The following PRKG1 variants were observed in gnomAD, a reference collection of about 807,000 sequenced individuals.
PRKG1 encodes the protein cGMP-dependent protein kinase 1.
PRKG1 carries 35 observed loss-of-function variants against 88.1 expected under a neutral mutation model. The ratio of observed to expected loss-of-function variants is 0.40; its 90% CI spans 0.30 to 0.53. The LOEUF (loss-of-function observed/expected upper bound fraction) is 0.53, where lower values mean the gene tolerates loss of function less well. Among genes scored for constraint, PRKG1 ranks in the 20% least tolerant of loss-of-function variants. The probability of loss-of-function intolerance (pLI) is 0.59; values close to 1 mark genes in which losing one functional copy is unlikely to be tolerated. For missense variants in PRKG1, 540 were observed against 839.8 expected, an observed-to-expected ratio of 0.64 and a Z score of 4.41; for synonymous variants, 303 against 292.5, an observed-to-expected ratio of 1.04 and a Z score of -0.37.
intron 3 of PRKG1, among the ~76,000 whole-genome samples, chr10:51,601,159 A>G (rs1450755003): frequency 1.3e-5 from 2 of 152,276 alleles, no homozygotes; most frequent in East Asian, 3.9e-4. Flanking sequence ...ATTCTGAACT[A>G]CTTTAGTGTT....
intron 1 of PRKG1, among the ~76,000 whole-genome samples, chr10:51,060,075 T>C (rs2132781911): frequency 6.6e-6 from 1 of 152,276 alleles, no homozygotes; most frequent in South Asian, 2.1e-4. Flanking sequence ...CCTTTTTAAC[T>C]CTAGTAACAC....
chr10:51,021,220 G>T (rs964866818), intron 1 of PRKG1, among the ~76,000 whole-genome samples: 2 of 152,122 alleles, frequency 1.3e-5, no homozygotes, highest in Non-Finnish European at 2.9e-5. Flanking sequence ...ATAGAAGAAA[G>T]AAAATCAAGT....
chr10:52,004,768 TA>T (rs2133156605), intron 5 of PRKG1, among the ~76,000 whole-genome samples: 1 of 152,234 alleles, frequency 6.6e-6, no homozygotes, highest in African/African-American at 2.4e-5. Flanking sequence ...TTTTTGAAAT[TA>T]AAATACAGTT....
chr10:51,170,456 A>G (rs1216239836), intron 2 of PRKG1, among the ~76,000 whole-genome samples: 1 of 151,580 alleles, frequency 6.6e-6, no homozygotes, highest in Non-Finnish European at 1.5e-5. Context: ...ACACACACAC[A>G]CACACACACA....
chr10:51,610,534 CATTT>C (rs1291779464), intron 3 of PRKG1, among the ~76,000 whole-genome samples: 1 of 152,000 alleles, frequency 6.6e-6, no homozygotes, highest in African/African-American at 2.4e-5. Flanking sequence ...TTTATTCATT[CATTT>C]GTTGATAGAC....
chr10:51,810,060 T>A (rs1317526818), intron 4 of PRKG1, among the ~76,000 whole-genome samples: 1 of 152,194 alleles, frequency 6.6e-6, no homozygotes, highest in Non-Finnish European at 1.5e-5. Context: ...ACATCAAGTA[T>A]GCCTGCCATA....
intron 2 of PRKG1, among the ~76,000 whole-genome samples, chr10:51,161,057 T>C (rs976963060): frequency 6.6e-6 from 1 of 152,210 alleles, no homozygotes; most frequent in African/African-American, 2.4e-5. Context: ...CTTTTTTCAA[T>C]ATATTTTAAG....
chr10:51,221,454 T>C (rs1176673013), intron 2 of PRKG1, among the ~76,000 whole-genome samples: 28 of 152,128 alleles, frequency 1.8e-4, no homozygotes. Context: ...TTGTATAAGT[T>C]CCAAGAATTA....
chr10:51,852,012 A>G (rs1840567042), intron 4 of PRKG1, among the ~76,000 whole-genome samples: 1 of 152,044 alleles, frequency 6.6e-6, no homozygotes, highest in African/African-American at 2.4e-5. Context: ...TCTTTGATTT[A>G]TGCAACCATA....
At chr10:51,442,400 A>G (rs1379757067) in intron 2 of PRKG1, among the ~76,000 whole-genome samples, 1 of 151,970 alleles carries the variant, frequency 6.6e-6, no homozygotes, top group Admixed American at 6.6e-5. Context: ...AATTAGTACT[A>G]TAATAGTTTT....
Position 51,089,263 on chromosome 10 carries a change from G to C in PRKG1, c.311+14362G>C, listed in dbSNP as rs188472885. Among the ~76,000 whole-genome samples, 139 of 152,238 alleles carry C rather than the reference G, an allele frequency of 9.1e-4. 1 individual carries two copies. The highest frequency in any genetic ancestry group is 3.2e-3 in the African/African-American group (133 of 41,538). ...ATTGGTTAATCTTAAAAATAAGATA[G>C]ACTGATTGCTAATAAATACAAGCAT... On this transcript the variant is annotated intron_variant, in intron 1 of 17. Coordinates refer to ENST00000373980, the MANE Select transcript of PRKG1 (RefSeq NM_006258.4).
At chr10:51,338,223 A>G (rs1841923735) in intron 2 of PRKG1, among the ~76,000 whole-genome samples, 1 of 152,104 alleles carries the variant, frequency 6.6e-6, no homozygotes, top group Non-Finnish European at 1.5e-5. Context: ...GCAGTTGGGT[A>G]AGGGGAGGGA....
intron 1 of PRKG1, among the ~76,000 whole-genome samples, chr10:51,007,893 G>A (rs1267256026): frequency 2.0e-5 from 3 of 152,192 alleles, no homozygotes; most frequent in African/African-American, 7.2e-5. Context: ...GAATTAATTT[G>A]CTCTTCTCAA....
At chr10:51,031,947 A>G (rs1049880849) in intron 1 of PRKG1, among the ~76,000 whole-genome samples, 4 of 152,214 alleles carry the variant, frequency 2.6e-5, no homozygotes, top group Non-Finnish European at 5.9e-5. Flanking sequence ...TGTTAAGCCT[A>G]TTGAGCAATA....
At chr10:51,392,445 G>A (rs1312599715) in intron 2 of PRKG1, among the ~76,000 whole-genome samples, 2 of 152,160 alleles carry the variant, frequency 1.3e-5, no homozygotes. Flanking sequence ...CACCGGGTTG[G>A]GGGTAAGGTC....
At chr10:51,224,211 G>T (rs548431450) in intron 2 of PRKG1, among the ~76,000 whole-genome samples, 2 of 152,226 alleles carry the variant, frequency 1.3e-5, no homozygotes, top group Admixed American at 1.3e-4. Context: ...AACGTTTTCA[G>T]TGGGAAGTTC....
intron 3 of PRKG1, among the ~76,000 whole-genome samples, chr10:51,693,721 A>G (rs1324961448): frequency 6.6e-6 from 1 of 152,134 alleles, no homozygotes; most frequent in Non-Finnish European, 1.5e-5. Context: ...CACTTTTGAC[A>G]CAATTCATGC....
chr10:51,638,837 T>C (rs1008673281), intron 3 of PRKG1, among the ~76,000 whole-genome samples: 7 of 152,070 alleles, frequency 4.6e-5, no homozygotes, highest in Non-Finnish European at 8.8e-5. Flanking sequence ...GTCAACTAAC[T>C]AATTAAGGTT....
chr10:51,310,365 A>C (rs1433672356), intron 2 of PRKG1, among the ~76,000 whole-genome samples: 3 of 152,190 alleles, frequency 2.0e-5, no homozygotes, highest in African/African-American at 7.2e-5. Context: ...TATTATGAAC[A>C]TTGTGCTCTG....
Sources: allele counts gnomAD v4.1 joint callset (sites outside exome capture counted in the v4.1 genomes callset), GRCh38; gene constraint gnomAD v4.1.1; transcripts MANE v1.5; gene names NCBI Gene and HGNC (gene_info 2026-07-23, HGNC 2026-07-21).